MDGA2: variants seen among roughly 807,000 people sequenced by gnomAD.
The protein encoded by MDGA2 is MAM domain-containing glycosylphosphatidylinositol anchor protein 2.
Under a neutral mutation model 117.8 loss-of-function variants are expected in MDGA2, and 40 were observed. The observed-to-expected ratio is 0.34, with a 90% confidence interval of 0.26 to 0.44. The LOEUF is 0.44. Among genes scored for constraint, MDGA2 ranks in the 20% least tolerant of loss-of-function variants. The probability of loss-of-function intolerance (pLI) is 1.00; values close to 1 mark genes in which losing one functional copy is unlikely to be tolerated. For missense variants in MDGA2, 1,123 were observed against 1,250.6 expected (o/e 0.90, Z 1.54); for synonymous variants, 452 against 439.0 (o/e 1.03, Z -0.37).
At chr14:47,496,893 G>A (rs1594887039) in intron 1 of MDGA2, among the ~76,000 whole-genome samples, 1 of 152,080 alleles carries the variant, frequency 6.6e-6, no homozygotes, top group East Asian at 1.9e-4. Context: ...GTTGGCAGGG[G>A]GATGGTTTGG....
chr14:46,848,583 A>G (rs1215703344), intron 15 of MDGA2, among the ~76,000 whole-genome samples: 2 of 150,996 alleles, frequency 1.3e-5, no homozygotes, highest in Non-Finnish European at 3.0e-5. Flanking sequence ...TTTCTTTTTC[A>G]TCCTGTCCTC....
intron 5 of MDGA2, among the ~76,000 whole-genome samples, chr14:47,110,187 A>C (rs1451292853): frequency 1.3e-5 from 2 of 152,012 alleles, no homozygotes; most frequent in Non-Finnish European, 2.9e-5. Context: ...AATACAGTGT[A>C]CTGTTTGCAC....
intron 9 of MDGA2, among the ~76,000 whole-genome samples, chr14:46,936,386 C>T (rs1308888299): frequency 6.6e-6 from 1 of 151,932 alleles, no homozygotes; most frequent in Non-Finnish European, 1.5e-5. Flanking sequence ...AATAAAATAT[C>T]TTTATTTATG....
chr14:47,629,698 C>A (rs1035594070), intron 1 of MDGA2, among the ~76,000 whole-genome samples: 3 of 152,234 alleles, frequency 2.0e-5, no homozygotes, highest in African/African-American at 4.8e-5. Context: ...CTCCCTTATA[C>A]ATTAGTTATG....
chr14:47,084,498 T>TA lies in MDGA2; in HGVS notation c.1195+12355dup, dbSNP rs35071143. Among the ~76,000 whole-genome samples, 327 of 139,662 alleles carry TA rather than the reference T, an allele frequency of 2.3e-3. 1 individual carries two copies. Among genetic ancestry groups the TA allele is most frequent in the South Asian group, 0.018 (77 of 4,354 alleles). The allele number at this position is 139,662 out of a possible 152,430, so 91.6% of individuals were successfully genotyped here. A position where few individuals can be genotyped will look rare whatever the true frequency, so the allele number is the denominator to read the frequency against. ...CAAGAAGCTAAAAAACAGCAAAAAT[T>TA]AAAAAAAAAAAAAAAACTGACATGC... On this transcript the variant is annotated intron_variant, in intron 6 of 16. Transcript: ENST00000399232.
intron 10 of MDGA2, among the ~76,000 whole-genome samples, chr14:46,887,023 C>T (rs746891820): frequency 6.6e-6 from 1 of 152,032 alleles, no homozygotes; most frequent in Non-Finnish European, 1.5e-5. Context: ...TCCTCTCCCA[C>T]ATAGTAATTT....
At chr14:47,645,799 G>A (rs112568156) in intron 1 of MDGA2, among the ~76,000 whole-genome samples, 7,818 of 151,754 alleles carry the variant, frequency 0.052, 306 homozygotes, top group East Asian at 0.18. Context: ...CTGGCTGGGC[G>A]CGGTGGCTCA....
intron 1 of MDGA2, among the ~76,000 whole-genome samples, chr14:47,547,332 C>G (rs1452593471): frequency 1.3e-5 from 2 of 152,182 alleles, no homozygotes; most frequent in East Asian, 3.8e-4. Context: ...CCTTTGAACA[C>G]TAGCCCCTTG....
At chr14:47,090,135 AT>A (rs1879554496) in intron 6 of MDGA2, among the ~76,000 whole-genome samples, 2 of 152,164 alleles carry the variant, frequency 1.3e-5, no homozygotes, top group Admixed American at 6.5e-5. Context: ...AGAACAAATT[AT>A]TTAATATTAA....
At chr14:47,053,637 AT>A (rs1889545991) in intron 7 of MDGA2, among the ~76,000 whole-genome samples, 1 of 85,132 alleles carries the variant, frequency 1.2e-5, no homozygotes, top group African/African-American at 4.4e-5. Flanking sequence ...ATATATATAT[AT>A]ATATATATAT....
At chr14:47,053,275 A>C (rs1174812083) in intron 7 of MDGA2, among the ~76,000 whole-genome samples, 1 of 151,718 alleles carries the variant, frequency 6.6e-6, no homozygotes, top group African/African-American at 2.4e-5. Flanking sequence ...GGGTGAGCCC[A>C]TCTGTTTCAA....
intron 7 of MDGA2, among the ~76,000 whole-genome samples, chr14:47,041,034 CAT>C (rs1889047475): frequency 6.6e-6 from 1 of 152,084 alleles, no homozygotes; most frequent in Non-Finnish European, 1.5e-5. Context: ...CAATATGAAT[CAT>C]GTATATTTTG....
intron 3 of MDGA2, among the ~76,000 whole-genome samples, chr14:47,187,131 C>G (rs1484843469): frequency 6.6e-6 from 1 of 151,610 alleles, no homozygotes; most frequent in Non-Finnish European, 1.5e-5. Context: ...GGGGGCACAA[C>G]TACATCTATC....
intron 2 of MDGA2, among the ~76,000 whole-genome samples, chr14:47,261,404 A>T (rs1210503832): frequency 6.6e-6 from 1 of 152,164 alleles, no homozygotes; most frequent in African/African-American, 2.4e-5. Flanking sequence ...AGAAGATTTT[A>T]ACAAGGAAAA....
intron 2 of MDGA2, among the ~76,000 whole-genome samples, chr14:47,254,680 C>A (rs1887559239): frequency 6.6e-6 from 1 of 152,190 alleles, no homozygotes; most frequent in African/African-American, 2.4e-5. Flanking sequence ...GCCCTCCAAA[C>A]TGCTACAGTC....
chr14:46,896,324 G>T (rs530463529), intron 10 of MDGA2, among the ~76,000 whole-genome samples: 1 of 152,014 alleles, frequency 6.6e-6, no homozygotes, highest in South Asian at 2.1e-4. Context: ...AGAAAAACAG[G>T]CAATGCTTCT....
At chr14:47,512,959 C>T (rs1233163678) in intron 1 of MDGA2, among the ~76,000 whole-genome samples, 4 of 144,206 alleles carry the variant, frequency 2.8e-5, no homozygotes, top group African/African-American at 8.9e-5. Flanking sequence ...TAATAATATC[C>T]TTACATTCAC....
chr14:47,616,196 G>A (rs1483792842), intron 1 of MDGA2, among the ~76,000 whole-genome samples: 1 of 152,162 alleles, frequency 6.6e-6, no homozygotes, highest in African/African-American at 2.4e-5. Flanking sequence ...AAATTTGACA[G>A]GAGAACCAAA....
intron 1 of MDGA2, among the ~76,000 whole-genome samples, chr14:47,523,163 C>T (rs1228840485): frequency 6.6e-6 from 1 of 151,946 alleles, no homozygotes; most frequent in Non-Finnish European, 1.5e-5. Context: ...TAAGCAAAGG[C>T]CAAAAAGGAC....
Sources: allele counts gnomAD v4.1 joint callset (sites outside exome capture counted in the v4.1 genomes callset), GRCh38; gene constraint gnomAD v4.1.1; transcripts MANE v1.5; gene names NCBI Gene and HGNC (gene_info 2026-07-23, HGNC 2026-07-21).